Variants in CCDC33 observed in about 807,000 individuals in gnomAD.
The protein encoded by CCDC33 is coiled-coil domain containing 33.
In CCDC33, 94 loss-of-function variants were observed where a neutral mutation model predicts 91.9. The ratio of observed to expected loss-of-function variants is 1.02; its 90% confidence interval spans 0.87 to 1.21. The LOEUF (loss-of-function observed/expected upper bound fraction) is 1.21. Ranked by LOEUF, CCDC33 falls within the 50% of genes most tolerant of loss-of-function variation. The pLI, the probability that CCDC33 is intolerant of heterozygous loss-of-function variation, is 0.00. For synonymous variants in CCDC33, 396 were observed against 374.5 expected (o/e 1.06, Z -0.66); for missense variants, 940 against 935.5 (o/e 1.00, Z -0.06).
intron 15 of CCDC33, among the ~76,000 whole-genome samples, chr15:74,331,631 G>C (rs1459906951): frequency 6.6e-6 from 1 of 152,204 alleles, no homozygotes; most frequent in African/African-American, 2.4e-5. Context: ...GGCCACCTGG[G>C]GCAACACTTC....
intron 10 of CCDC33, among the ~76,000 whole-genome samples, chr15:74,286,392 T>C (rs2142531847): frequency 6.6e-6 from 1 of 152,232 alleles, no homozygotes. Flanking sequence ...CTGGGGAGTC[T>C]ACACTTCCCC....
intron 1 of CCDC33, among the ~76,000 whole-genome samples, chr15:74,240,529 T>A (rs1235646819): frequency 6.6e-6 from 1 of 152,146 alleles, no homozygotes; most frequent in East Asian, 1.9e-4. Flanking sequence ...ACATTCCCAT[T>A]GGCCAGGTGG....
chr15:74,319,195 C>G (rs886242970), intron 11 of CCDC33, among the ~76,000 whole-genome samples: 4 of 152,234 alleles, frequency 2.6e-5, no homozygotes, highest in African/African-American at 9.6e-5. Flanking sequence ...TCCCCTTTGG[C>G]AAGAATCCCA....
chr15:74,261,742 C>G (rs149099553), intron 2 of CCDC33, among the ~76,000 whole-genome samples: 1 of 152,168 alleles, frequency 6.6e-6, no homozygotes, highest in Non-Finnish European at 1.5e-5. Flanking sequence ...GCAGAGGGCC[C>G]AAGCTTACCT....
At position 74,262,583 on chromosome 15, in the gene CCDC33, G is replaced by T; in HGVS notation, c.319+10G>T. ...GATGCAGGGCAAGAAGGTAAGCAGG[G>T]GCTGGGCAGGGCCGGCATGTGCAGG... On this transcript the variant is annotated intron_variant, in intron 3 of 18. Coordinates refer to ENST00000398814, the MANE Select transcript of CCDC33 (RefSeq NM_025055.5). 1 of 1,610,236 alleles carries T rather than the reference G, an allele frequency of 6.2e-7. No individual in the cohort carries two copies. Among genetic ancestry groups the T allele is most frequent in the Non-Finnish European group, 8.5e-7 (1 of 1,178,426 alleles).
chr15:74,278,581 C>A (rs950821449), intron 7 of CCDC33, among the ~76,000 whole-genome samples: 1 of 152,202 alleles, frequency 6.6e-6, no homozygotes, highest in East Asian at 1.9e-4. Flanking sequence ...TGCTGGGCCT[C>A]CCCCTGGAGT....
chr15:74,285,655 C>A (rs1450209580), intron 10 of CCDC33, among the ~76,000 whole-genome samples: 1 of 151,758 alleles, frequency 6.6e-6, no homozygotes, highest in East Asian at 1.9e-4. Context: ...ACAAAGCCTG[C>A]AGACTCAGTG....
intron 2 of CCDC33, among the ~76,000 whole-genome samples, chr15:74,259,165 C>T (rs2075955475): frequency 6.6e-6 from 1 of 152,170 alleles, no homozygotes; most frequent in African/African-American, 2.4e-5. Context: ...TGCCTGGAGC[C>T]AACGGGTCCA....
upstream of CCDC33, among the ~76,000 whole-genome samples, chr15:74,215,848 G>A (rs1281213514): frequency 6.8e-6 from 1 of 147,030 alleles, no homozygotes; most frequent in Non-Finnish European, 1.5e-5. Flanking sequence ...TCCAGCCTGG[G>A]CAACAAGAGC....
intron 1 of CCDC33, among the ~76,000 whole-genome samples, chr15:74,238,935 C>G (rs1419541716): frequency 6.6e-6 from 1 of 152,218 alleles, no homozygotes; most frequent in African/African-American, 2.4e-5. Flanking sequence ...GGTTTACTTT[C>G]TCTGAGTGTG....
chr15:74,232,191 G>T (rs1255922560), upstream of CCDC33, among the ~76,000 whole-genome samples: 1 of 152,204 alleles, frequency 6.6e-6, no homozygotes, highest in Non-Finnish European at 1.5e-5. Flanking sequence ...AGGACATCAG[G>T]CGGGGCGAGA....
chr15:74,313,627 C>T (rs1261739845), intron 11 of CCDC33, among the ~76,000 whole-genome samples: 1 of 151,908 alleles, frequency 6.6e-6, no homozygotes, highest in African/African-American at 2.4e-5. Flanking sequence ...GCCATATTGG[C>T]CAGGATGGTC....
intron 2 of CCDC33, chr15:74,221,297 G>A (rs1182684733): frequency 1.0e-6 from 1 of 978,704 alleles, no homozygotes; most frequent in African/African-American, 1.8e-5. Flanking sequence ...AGGAGAGCAG[G>A]ATGAGCAGGA....
chr15:74,272,717 G>A, intron 6 of CCDC33, 54 bp from the exon 7 acceptor site: 3 of 1,598,146 alleles, frequency 1.9e-6, no homozygotes, highest in Non-Finnish European at 2.6e-6. Context: ...GCCCTGGGCT[G>A]CCAGGCTCAG....
At chr15:74,206,491 G>A (rs1229446569) in intron 1 of CCDC33, among the ~76,000 whole-genome samples, 1 of 152,214 alleles carries the variant, frequency 6.6e-6, no homozygotes, top group Non-Finnish European at 1.5e-5. Flanking sequence ...ATGTGCCCCT[G>A]AAGAATTTCT....
chr15:74,254,211 T>C (rs1434760989), intron 2 of CCDC33, among the ~76,000 whole-genome samples: 1 of 151,932 alleles, frequency 6.6e-6, no homozygotes. Context: ...TTTTGTATTT[T>C]TAGTAGAGAT....
rs1468742417 is a variant in CCDC33, at chr15:74,225,764, AT to A, written c.675+6904del. Among the ~76,000 whole-genome samples, 3 of 152,310 alleles carry A rather than the reference AT, an allele frequency of 2.0e-5. No individual in the cohort carries two copies. The East Asian group carries it at 5.8e-4, about 29-fold the overall frequency. On this transcript the variant is annotated intron_variant, in intron 2 of 2. Transcript: ENST00000635913. ...ACCCTGCGTGAAACCCATCTTTAAT[AT>A]ACCTCTGACAGTGGATTAGGGTGGG...
At chr15:74,296,975 T>C (rs2059700674) in intron 11 of CCDC33, among the ~76,000 whole-genome samples, 1 of 152,170 alleles carries the variant, frequency 6.6e-6, no homozygotes, top group Non-Finnish European at 1.5e-5. Flanking sequence ...AGGCCACCAG[T>C]CCACAGGGAA....
intron 11 of CCDC33, among the ~76,000 whole-genome samples, chr15:74,298,255 TTGATGATGATGATGATGGTGGTGGTGA>T (rs2059726872): frequency 6.6e-6 from 1 of 151,822 alleles, no homozygotes; most frequent in Non-Finnish European, 1.5e-5. Flanking sequence ...CTTATAAAAC[TTGATGATGATGATGATGGTGGTGGTGA>T]TGATGGTGAT....
Sources: allele counts gnomAD v4.1 joint callset (sites outside exome capture counted in the v4.1 genomes callset), GRCh38; gene constraint gnomAD v4.1.1; transcripts MANE v1.5; gene names NCBI Gene and HGNC (gene_info 2026-07-23, HGNC 2026-07-21).